Variants in ZMYM2 observed in about 807,000 individuals in gnomAD.
ZMYM2 encodes zinc finger MYM-type containing 2.
ZMYM2 carries 56 observed loss-of-function variants against 162.8 expected under a neutral mutation model. That is an observed-to-expected ratio of 0.34 (90% CI 0.28 to 0.43). The LOEUF is 0.43. Ranked by LOEUF, ZMYM2 falls within the 20% of genes least tolerant of loss-of-function variation. ZMYM2 has a pLI of 1.00. For missense variants in ZMYM2, 1,275 were observed against 1,621.8 expected (o/e 0.79, Z 3.67); for synonymous variants, 510 against 541.6 (o/e 0.94, Z 0.81).
At chr13:20,042,721 A>ATTTT (rs546046715) in intron 12 of ZMYM2, among the ~76,000 whole-genome samples, 2 of 147,978 alleles carry the variant, frequency 1.4e-5, no homozygotes, top group Non-Finnish European at 3.0e-5. Flanking sequence ...TTTTATTATT[A>ATTTT]TTATTTTTTT....
chr13:19,967,351 AGAAGATTG>A (rs1427630398), intron 2 of ZMYM2, among the ~76,000 whole-genome samples: 1 of 152,176 alleles, frequency 6.6e-6, no homozygotes, highest in African/African-American at 2.4e-5. Flanking sequence ...GAGTACTAAG[AGAAGATTG>A]GAAGGGTAAC....
chr13:20,062,427 G>A (rs947164240), intron 17 of ZMYM2, among the ~76,000 whole-genome samples: 5 of 152,180 alleles, frequency 3.3e-5, no homozygotes, highest in Non-Finnish European at 7.3e-5. Flanking sequence ...ACCATTAAAA[G>A]GCAGTTGTTA....
At chr13:20,072,885 A>T (rs1169558915) in intron 21 of ZMYM2, among the ~76,000 whole-genome samples, 1 of 151,834 alleles carries the variant, frequency 6.6e-6, no homozygotes, top group Non-Finnish European at 1.5e-5. Flanking sequence ...TGATACTGGT[A>T]ATCTGTGCCT....
Position 20,059,466 on chromosome 13 carries a change from A to C in ZMYM2, c.2643A>C (p.Glu881Asp), listed in dbSNP as rs780248070. 8.1e-6 allele frequency: 13 copies of C among 1,612,452 alleles called. No individual in the cohort carries two copies. The highest frequency in any genetic ancestry group is 1.0e-5 in the Non-Finnish European group (12 of 1,178,576). The change falls in exon 16 of 25, where the codon GAA becomes GAC. Residue 881 changes from glutamate (E) to aspartate (D), a missense_variant. Physicochemically the swap from Glu to Asp is conservative, Grantham distance 45. This residue lies in a region of ZMYM2 where 177 missense variants were observed against 228.0 expected (regional missense o/e 0.78). Transcript: ENST00000610343. Reference protein sequence around the residue: ...SCQTDDTWRTEYVPVPIPVPV... With the variant: ...SCQTDDTWRTDYVPVPIPVPV... ...TTTTAGATGATACTTGGAGGACAGA[A>C]TATGTTCCAGTGCCTATCCCTGTGC...
At chr13:20,030,386 CA>C (rs1287980155) in intron 9 of ZMYM2, among the ~76,000 whole-genome samples, 11 of 145,960 alleles carry the variant, frequency 7.5e-5, no homozygotes, top group Non-Finnish European at 1.6e-4. Flanking sequence ...CGTGCGCCAC[CA>C]TGCTCAGCTA....
the ZMYM2 span, among the ~76,000 whole-genome samples, chr13:19,936,560 A>G: frequency 9.9e-3 from 1,504 of 152,002 alleles, 38 homozygotes; most frequent in African/African-American, 0.034. Context: ...TGTCTCTACT[A>G]AAAATACAAA....
chr13:20,052,162 TA>T, intron 13 of ZMYM2, 114 bp from the exon 14 acceptor site: 1 of 848,222 alleles, frequency 1.2e-6, no homozygotes, highest in Non-Finnish European at 1.8e-6. Flanking sequence ...TAAAATAGTC[TA>T]AAATATTTTC....
intron 2 of ZMYM2, among the ~76,000 whole-genome samples, chr13:19,989,757 T>G (rs898341441): frequency 7.2e-5 from 11 of 152,346 alleles, no homozygotes; most frequent in African/African-American, 2.6e-4. Flanking sequence ...TCTTATTCTG[T>G]TTTTCTGTGC....
chr13:19,966,866 G>T (rs1955837224), intron 2 of ZMYM2, among the ~76,000 whole-genome samples: 1 of 152,066 alleles, frequency 6.6e-6, no homozygotes, highest in Non-Finnish European at 1.5e-5. Flanking sequence ...ACTTTATTTT[G>T]ATTTTTGTCT....
At chr13:19,971,254 ATATATATATT>A (rs1253214857) in intron 2 of ZMYM2, among the ~76,000 whole-genome samples, 8 of 106,368 alleles carry the variant, frequency 7.5e-5, no homozygotes, top group South Asian at 3.1e-4. Context: ...GTATATATAT[ATATATATATT>A]TTTTTTTTTT....
In ZMYM2 at chr13:19,993,830, A is replaced by G; in HGVS notation, c.758A>G (p.Lys253Arg). The G allele has an allele frequency of 1.2e-6, 2 of 1,614,190 alleles. No individual in the cohort carries two copies. The highest frequency in any genetic ancestry group is 1.7e-6 in the Non-Finnish European group (2 of 1,180,024). The change falls in exon 3 of 25, where the codon AAG (lysine) becomes AGG (arginine). Residue 253 changes from lysine to arginine, a missense_variant. Lys to Arg is a conservative substitution (Grantham distance 26). Coordinates refer to ENST00000610343, the MANE Select transcript of ZMYM2 (RefSeq NM_197968.4). ...TYTPSLTSQT[K>R]TGVGPFNPGR... is the part of the protein sequence containing the mutation. Reference sequence around the variant, plus strand: ...ACCCCATCTTTAACTTCACAGACCAAGACTGGAGTAGGACCTTTTAATCCT... The same window carrying G: ...ACCCCATCTTTAACTTCACAGACCAGGACTGGAGTAGGACCTTTTAATCCT...
chr13:20,054,983 T>C (rs1052910860), intron 14 of ZMYM2, among the ~76,000 whole-genome samples: 6 of 140,186 alleles, frequency 4.3e-5, no homozygotes, highest in Admixed American at 1.6e-4. Context: ...TTTGTCTACT[T>C]CCACATGGGG....
chr13:19,875,864 A>G, the ZMYM2 span, among the ~76,000 whole-genome samples: 3 of 152,036 alleles, frequency 2.0e-5, no homozygotes, highest in African/African-American at 2.4e-5. Context: ...AAAACTACCT[A>G]TTGAGTACTA....
At chr13:20,064,566 A>G (rs1286969486) in intron 19 of ZMYM2, 21 bp downstream of exon 19, 38 of 1,518,300 alleles carry the variant, frequency 2.5e-5, no homozygotes, top group Non-Finnish European at 3.3e-5. Context: ...TTAATAGCCT[A>G]TATAACAATA....
intron 12 of ZMYM2, among the ~76,000 whole-genome samples, chr13:20,048,619 A>G (rs1329700131): frequency 1.3e-5 from 2 of 151,990 alleles, no homozygotes; most frequent in Admixed American, 6.6e-5. Context: ...AAAGATGTAT[A>G]TATCAGTCAA....
intron 6 of ZMYM2, among the ~76,000 whole-genome samples, chr13:20,009,460 A>G (rs1050250107): frequency 6.6e-6 from 1 of 152,196 alleles, no homozygotes; most frequent in African/African-American, 2.4e-5. Flanking sequence ...TTAAGTATAT[A>G]AGTGAGTGGC....
chr13:20,063,225 A>G (rs1956363524), intron 18 of ZMYM2, among the ~76,000 whole-genome samples: 1 of 151,950 alleles, frequency 6.6e-6, no homozygotes, highest in African/African-American at 2.4e-5. Flanking sequence ...CAATGTGGTG[A>G]AACACTGTCT....
intron 2 of ZMYM2, among the ~76,000 whole-genome samples, chr13:19,966,222 C>T (rs1375783961): frequency 6.6e-6 from 1 of 151,622 alleles, no homozygotes; most frequent in Non-Finnish European, 1.5e-5. Context: ...GCAACCTCCG[C>T]CTCCCGGGTT....
the ZMYM2 span, among the ~76,000 whole-genome samples, chr13:19,931,804 T>G: frequency 6.6e-6 from 1 of 152,302 alleles, no homozygotes; most frequent in Admixed American, 6.5e-5. Context: ...TTAAAACATT[T>G]TTTTGTAGAG....
Sources: allele counts gnomAD v4.1 joint callset (sites outside exome capture counted in the v4.1 genomes callset), GRCh38; gene constraint gnomAD v4.1.1; regional missense constraint gnomAD v4.1.1; transcripts MANE v1.5; gene names NCBI Gene and HGNC (gene_info 2026-07-23, HGNC 2026-07-21).